The following TJP1 variants were observed in gnomAD, a reference collection of about 807,000 sequenced individuals.
TJP1 encodes the protein tight junction protein 1.
Under a neutral mutation model 194.2 loss-of-function variants are expected in TJP1, and 43 were observed. The ratio of observed to expected loss-of-function variants is 0.22; its 90% CI spans 0.17 to 0.29. TJP1 has a LOEUF of 0.29. Among genes scored for constraint, TJP1 ranks in the 10% least tolerant of loss-of-function variants. TJP1 has a pLI of 1.00. For missense variants in TJP1, 1,971 were observed against 2,185.7 expected (o/e 0.90, Z 1.96); for synonymous variants, 801 against 779.0 (o/e 1.03, Z -0.47).
At chr15:29,962,034 T>C (rs1456166569) in intron 1 of TJP1, among the ~76,000 whole-genome samples, 2 of 152,240 alleles carry the variant, frequency 1.3e-5, no homozygotes, top group Non-Finnish European at 2.9e-5. Context: ...CAAAGCTCTG[T>C]TGGGCGCTCT....
intron 2 of TJP1, among the ~76,000 whole-genome samples, chr15:29,911,021 G>C (rs2053994912): frequency 6.6e-6 from 1 of 152,204 alleles, no homozygotes; most frequent in Non-Finnish European, 1.5e-5. Context: ...GACCACTGGA[G>C]GCAGTAAGCT....
At chr15:29,748,039 A>C (rs2151405326) in intron 8 of TJP1, among the ~76,000 whole-genome samples, 1 of 152,320 alleles carries the variant, frequency 6.6e-6, no homozygotes, top group East Asian at 1.9e-4. Flanking sequence ...TATCTACCAA[A>C]AGATGGAGGC....
At chr15:29,820,065 A>G (rs537298636) in intron 1 of TJP1, among the ~76,000 whole-genome samples, 1 of 152,304 alleles carries the variant, frequency 6.6e-6, no homozygotes, top group Non-Finnish European at 1.5e-5. Flanking sequence ...AACCATTATA[A>G]AGAAAACCGA....
At position 29,822,103 on chromosome 15, in the gene TJP1, C is replaced by A; in HGVS notation, c.-75G>T. ...GGCGCTGGCCCGCCCGCTCCTCACG[C>A]CACAGCCCAAATAAACATCTCCCGA... On this transcript the variant is annotated 5_prime_UTR_variant, in exon 1 of 28. Coordinates refer to ENST00000614355, the MANE Select transcript of TJP1 (RefSeq NM_001330239.4). 8.1e-7 allele frequency: 1 copy of A among 1,234,238 alleles called. No homozygotes were observed. Among genetic ancestry groups the A allele is most frequent in the East Asian group, 3.2e-5 (1 of 30,852 alleles). 76.5% of individuals were successfully genotyped at this position (1,234,238 alleles called of 1,614,324 possible).
At chr15:29,936,834 A>G (rs2054899192) in intron 2 of TJP1, among the ~76,000 whole-genome samples, 1 of 152,132 alleles carries the variant, frequency 6.6e-6, no homozygotes, top group Non-Finnish European at 1.5e-5. Context: ...TGGGTTTATC[A>G]AGTTCCCTTA....
intron 1 of TJP1, among the ~76,000 whole-genome samples, chr15:29,809,927 C>T (rs1308949826): frequency 6.6e-6 from 1 of 151,868 alleles, no homozygotes; most frequent in Non-Finnish European, 1.5e-5. Context: ...AGTTATAGTA[C>T]TTTTAAAAAA....
chr15:29,896,158 G>A (rs62014491), intron 2 of TJP1, among the ~76,000 whole-genome samples: 3,635 of 152,204 alleles, frequency 0.024, 100 homozygotes, highest in Admixed American at 0.081. Context: ...GTTCTCACCC[G>A]ATTCTCATCT....
intron 2 of TJP1, among the ~76,000 whole-genome samples, chr15:29,880,335 T>C (rs1233680910): frequency 2.6e-5 from 4 of 152,234 alleles, no homozygotes; most frequent in Non-Finnish European, 5.9e-5. Context: ...TTAGTGTGTG[T>C]AATTTGATGA....
At chr15:29,844,853 G>A (rs1389962651) in intron 2 of TJP1, among the ~76,000 whole-genome samples, 3 of 152,196 alleles carry the variant, frequency 2.0e-5, no homozygotes, top group Non-Finnish European at 4.4e-5. Context: ...GCCATGAGGA[G>A]GGGCTAGCTC....
intron 18 of TJP1, among the ~76,000 whole-genome samples, chr15:29,723,640 C>A (rs759488293): frequency 6.6e-6 from 1 of 152,194 alleles, no homozygotes; most frequent in Admixed American, 6.5e-5. Context: ...AAAATCATCA[C>A]CTACATGGTG....
intron 2 of TJP1, among the ~76,000 whole-genome samples, chr15:29,859,755 T>C (rs2052001936): frequency 6.6e-6 from 1 of 152,210 alleles, no homozygotes; most frequent in South Asian, 2.1e-4. Flanking sequence ...AAGCAGCTTC[T>C]TCCGAGAATT....
intron 11 of TJP1, 143 bp downstream of exon 11, chr15:29,737,121 G>C (rs559297485): frequency 1.0e-6 from 1 of 960,206 alleles, no homozygotes; most frequent in East Asian, 2.5e-5. Flanking sequence ...AGACCTGATG[G>C]ATTTTGACTT....
chr15:29,722,309 T>C (rs1022966246), intron 18 of TJP1, among the ~76,000 whole-genome samples: 1 of 152,218 alleles, frequency 6.6e-6, no homozygotes, highest in African/African-American at 2.4e-5. Flanking sequence ...CCGGCCCTGC[T>C]GCTCTGTGCA....
rs117623605 is a variant in TJP1, at chr15:29,733,665, T to C, written c.1517-352A>G. 4.3e-3 allele frequency among the ~76,000 whole-genome samples: 653 copies of C among 152,310 alleles called. 3 individuals are homozygous for C. The highest frequency in any genetic ancestry group is 0.014 in the Middle Eastern group (4 of 294). The stretch of plus-strand genomic sequence containing the variant: ...TAATTTTATCCCTCGCCATCCAACA[T>C]TGGACATTTGCCAATATGCAGTTTT... On this transcript the variant is annotated intron_variant, in intron 12 of 27. Transcript: ENST00000614355.
intron 4 of TJP1, among the ~76,000 whole-genome samples, chr15:29,767,485 T>C (rs1047721830): frequency 1.2e-4 from 18 of 152,180 alleles, no homozygotes; most frequent in African/African-American, 2.4e-5. Context: ...AGACATCCTG[T>C]TGCCATATTT....
intron 2 of TJP1, among the ~76,000 whole-genome samples, chr15:29,926,318 T>A (rs2152261901): frequency 6.6e-6 from 1 of 152,212 alleles, no homozygotes; most frequent in South Asian, 2.1e-4. Context: ...TAAAGAAGCA[T>A]TTGGGAACAA....
chr15:29,932,852 C>T (rs2054763968), intron 2 of TJP1, among the ~76,000 whole-genome samples: 1 of 151,872 alleles, frequency 6.6e-6, no homozygotes. Flanking sequence ...TATTCTTTTC[C>T]TTATTGTAAT....
chr15:29,761,670 G>A lies in TJP1; in HGVS notation c.793C>T (p.Arg265Trp), dbSNP rs754428169. The A allele has an allele frequency of 4.4e-5, 71 of 1,610,300 alleles. No homozygotes were observed. Among genetic ancestry groups the A allele is most frequent in the Non-Finnish European group, 6.0e-5 (71 of 1,177,154 alleles). The change falls in exon 7 of 28, where the codon CGG (arginine) becomes TGG (tryptophan). Residue 265 changes from arginine (R) to tryptophan (W), a missense_variant. Around this residue, in one of 5 missense-constraint regions of TJP1, gnomAD observed 245 missense variants for 336.6 expected, o/e 0.73. Transcript: ENST00000614355. ...TCAGGGACATTCAATAGCGTAGCCC[G>A]TTCATCTCTTTGAACTACCATTTTT... ...KLKMVVQRDE[R>W]ATLLNVPDLS...
intron 1 of TJP1, among the ~76,000 whole-genome samples, chr15:29,803,016 G>T (rs965741238): frequency 6.6e-6 from 1 of 152,086 alleles, no homozygotes; most frequent in African/African-American, 2.4e-5. Flanking sequence ...GGGGGAGCAG[G>T]TTGTAAAACA....
Sources: allele counts gnomAD v4.1 joint callset (sites outside exome capture counted in the v4.1 genomes callset), GRCh38; gene constraint gnomAD v4.1.1; regional missense constraint gnomAD v4.1.1; transcripts MANE v1.5; gene names NCBI Gene and HGNC (gene_info 2026-07-23, HGNC 2026-07-21).